F8: variants seen among roughly 807,000 people sequenced by gnomAD.
F8 encodes the protein antihemophilic factor.
In F8, 12 loss-of-function variants were observed where a neutral mutation model predicts 140.6. That is an observed-to-expected ratio of 0.09 (90% confidence interval 0.05 to 0.14). F8 has a LOEUF of 0.14. Ranked by LOEUF, F8 falls within the 10% of genes least tolerant of loss-of-function variation. The probability of loss-of-function intolerance (pLI) is 1.00; values close to 1 mark genes in which losing one functional copy is unlikely to be tolerated. For synonymous variants in F8, 585 were observed against 614.6 expected (o/e 0.95, Z 0.71); for missense variants, 1,354 against 1,720.7 (o/e 0.79, Z 3.77).
At chrX:155,013,330 G>C (rs1557286797) in intron 1 of F8, among the ~76,000 whole-genome samples, 1 of 109,840 alleles carries the variant, frequency 9.1e-6, no homozygotes, top group Admixed American at 9.7e-5. Context: ...TAGTGAATAA[G>C]TCTCATGAGG....
rs142955808 is a variant in F8 at position 154,929,363 on chromosome X, C to G, written c.4427G>C (p.Arg1476Thr). Residue 1476 changes from arginine to threonine, a missense_variant, in exon 14 of 26, where the codon AGA (arginine) becomes ACA (threonine). Around this residue, in one of 4 missense-constraint regions of F8, gnomAD observed 658 missense variants for 666.5 expected, o/e 0.99. Coordinates refer to ENST00000360256, the MANE Select transcript of F8 (RefSeq NM_000132.4). ...ACTTGTCCCCAGGGAGCCAACCTCT[C>G]TTTGATCACCAGTCATCTCCAAGGT... is the stretch of plus-strand genomic sequence containing the variant. ...ILTLEMTGDQ[R>T]EVGSLGTSAT... is the part of the protein sequence containing the mutation. The G allele has an allele frequency of 1.3e-5, 16 of 1,211,858 alleles. No individual in the cohort carries two copies. Among genetic ancestry groups the G allele is most frequent in the Non-Finnish European group, 1.7e-5 (15 of 895,472 alleles).
At chrX:154,987,907 T>G (rs908323768) in intron 4 of F8, among the ~76,000 whole-genome samples, 1 of 112,379 alleles carries the variant, frequency 8.9e-6, no homozygotes, top group African/African-American at 3.2e-5. Flanking sequence ...GAAACTTTTG[T>G]TTACAGGCTT....
chrX:155,013,145 CAAAA>C (rs34940593), intron 1 of F8, among the ~76,000 whole-genome samples: 1 of 34,032 alleles, frequency 2.9e-5, no homozygotes. Context: ...GACTCCGTCT[CAAAA>C]AAAAAAAAAA....
At chrX:154,969,242 A>T in intron 7 of F8, 89 bp downstream of exon 7, 1 of 864,184 alleles carries the variant, frequency 1.2e-6, no homozygotes, top group Non-Finnish European at 1.7e-6. Context: ...CTTCAGCAAC[A>T]CACTATATTC....
intron 8 of F8, 30 bp downstream of exon 8, chrX:154,966,396 A>G: frequency 4.1e-6 from 5 of 1,207,589 alleles, no homozygotes; most frequent in Non-Finnish European, 5.6e-6. Context: ...TATGGGGAAG[A>G]GAGAGTACCA....
intron 22 of F8, among the ~76,000 whole-genome samples, chrX:154,895,538 G>C (rs2072974382): frequency 8.9e-6 from 1 of 111,782 alleles, no homozygotes; most frequent in African/African-American, 3.3e-5. Context: ...ACAGAAGAAA[G>C]AGATGTGAGA....
intron 15 of F8, 81 bp downstream of exon 15, chrX:154,906,339 A>C (rs1211652202): frequency 6.4e-6 from 6 of 944,657 alleles, no homozygotes; most frequent in Non-Finnish European, 8.6e-6. Context: ...AAAAATTTCC[A>C]AAAGTGGGAA....
intron 1 of F8, among the ~76,000 whole-genome samples, chrX:155,018,271 G>A (rs2073744739): frequency 8.9e-6 from 1 of 112,097 alleles, no homozygotes; most frequent in Non-Finnish European, 1.9e-5. Flanking sequence ...TCTCTGGAAT[G>A]TTAATAAAGG....
chrX:154,931,277 T>A lies in F8; in HGVS notation c.2513A>T (p.Asp838Val), dbSNP rs782169302. ...ACTGTCTATTGCTCCAGGTGATGGA[T>A]CATCAGAAAAAGTCTCATATTTGGC... is the stretch of plus-strand genomic sequence containing the variant. ...QEAKYETFSD[D>V]PSPGAIDSNN... Residue 838 changes from aspartate to valine, a missense_variant, in exon 14 of 26, where the codon GAT becomes GTT. Asp to Val is a radical substitution (Grantham distance 152, BLOSUM62 -3). Transcript: ENST00000360256. 1.7e-5 allele frequency: 21 copies of A among 1,209,406 alleles called. No individual in the cohort carries two copies. The African/African-American group carries it at 3.5e-4, about 20-fold the overall frequency.
intron 24 of F8, 69 bp from the exon 25 acceptor site, chrX:154,860,677 C>T: frequency 9.9e-7 from 1 of 1,009,543 alleles, no homozygotes; most frequent in Non-Finnish European, 1.4e-6. Flanking sequence ...CCAAATCCCT[C>T]TTAACCATAC....
intron 6 of F8, among the ~76,000 whole-genome samples, chrX:154,970,426 A>G (rs782066454): frequency 2.3e-4 from 26 of 111,819 alleles, no homozygotes; most frequent in Non-Finnish European, 4.0e-4. Context: ...CACTGTTACT[A>G]CTACCACTAT....
intron 9 of F8, among the ~76,000 whole-genome samples, chrX:154,964,573 A>C (rs2073414134): frequency 1.8e-5 from 2 of 111,874 alleles, no homozygotes; most frequent in Admixed American, 1.9e-4. Flanking sequence ...GTATATGATA[A>C]AGAAGACATT....
intron 1 of F8, among the ~76,000 whole-genome samples, chrX:155,018,382 T>G (rs1323443486): frequency 9.0e-6 from 1 of 111,550 alleles, no homozygotes; most frequent in Admixed American, 9.5e-5. Flanking sequence ...ACGAGTTTTA[T>G]ATATTAATGT....
At chrX:154,848,397 G>GAGGC (rs1330711636) in intron 25 of F8, among the ~76,000 whole-genome samples, 2 of 112,960 alleles carry the variant, frequency 1.8e-5, no homozygotes, top group Non-Finnish European at 3.8e-5. Context: ...GGAGCGTACA[G>GAGGC]AGGCAGGCAG....
chrX:154,983,147 G>T (rs1455773651), intron 6 of F8, among the ~76,000 whole-genome samples: 2 of 111,841 alleles, frequency 1.8e-5, no homozygotes, highest in East Asian at 2.8e-4. Flanking sequence ...ACTTTCTATT[G>T]AGTTTCTATT....
intron 22 of F8, among the ~76,000 whole-genome samples, chrX:154,866,749 A>G (rs183463628): frequency 1.3e-4 from 14 of 111,133 alleles, no homozygotes; most frequent in Non-Finnish European, 2.5e-4. Flanking sequence ...AAAAGAAGAA[A>G]CATATGAAAT....
intron 22 of F8, among the ~76,000 whole-genome samples, chrX:154,873,230 T>C (rs2072788315): frequency 9.7e-6 from 1 of 103,486 alleles, no homozygotes; most frequent in Non-Finnish European, 2.0e-5. Flanking sequence ...AAAGCAATCT[T>C]TTTTTTTTTT....
chrX:154,839,529 A>AT (rs1319431761), intron 25 of F8, among the ~76,000 whole-genome samples: 1 of 109,036 alleles, frequency 9.2e-6, no homozygotes, highest in Non-Finnish European at 1.9e-5. Context: ...TGCCCGGCTC[A>AT]TTTTTTGTAT....
At chrX:154,972,926 C>T (rs1056134352) in intron 6 of F8, among the ~76,000 whole-genome samples, 1 of 109,357 alleles carries the variant, frequency 9.1e-6, no homozygotes, top group Non-Finnish European at 1.9e-5. Context: ...TTGGCCAGGC[C>T]GGTCTCAAAC....
Sources: allele counts gnomAD v4.1 joint callset (sites outside exome capture counted in the v4.1 genomes callset), GRCh38; gene constraint gnomAD v4.1.1; regional missense constraint gnomAD v4.1.1; transcripts MANE v1.5; gene names NCBI Gene and HGNC (gene_info 2026-07-23, HGNC 2026-07-21).